Variants in SDHC observed in about 807,000 individuals in gnomAD.
SDHC encodes the protein succinate dehydrogenase complex subunit C, also known as succinate dehydrogenase cytochrome b560 subunit, mitochondrial.
SDHC carries 11 observed loss-of-function variants against 22.6 expected under a neutral mutation model. The observed-to-expected ratio is 0.49, with a 90% confidence interval of 0.31 to 0.81. The LOEUF is 0.81. Among genes scored for constraint, SDHC ranks in the 30% least tolerant of loss-of-function variants. The pLI, the probability that SDHC is intolerant of heterozygous loss-of-function variation, is 0.05. For missense variants in SDHC, 160 were observed against 212.0 expected (o/e 0.75, Z 1.52); for synonymous variants, 80 against 77.8 (o/e 1.03, Z -0.15).
chr1:161,334,787 T>C (rs1331819804), intron 3 of SDHC, among the ~76,000 whole-genome samples: 2 of 152,164 alleles, frequency 1.3e-5, no homozygotes, highest in Non-Finnish European at 2.9e-5. Flanking sequence ...AATTCCCCTT[T>C]GCCGTAAAAG....
chr1:161,332,941 A>T (rs867763606), intron 3 of SDHC, among the ~76,000 whole-genome samples: 2 of 152,028 alleles, frequency 1.3e-5, no homozygotes, highest in African/African-American at 4.8e-5. Context: ...CCAATTTTAG[A>T]ATGTTTTCAT....
chr1:161,318,545 C>G (rs1670712287), intron 1 of SDHC, among the ~76,000 whole-genome samples: 1 of 152,174 alleles, frequency 6.6e-6, no homozygotes, highest in African/African-American at 2.4e-5. Context: ...AACACAAAGT[C>G]ACCAAGAGTC....
intron 4 of SDHC, among the ~76,000 whole-genome samples, chr1:161,348,563 G>A (rs904553827): frequency 1.3e-4 from 19 of 148,308 alleles, no homozygotes; most frequent in Non-Finnish European, 2.5e-4. Flanking sequence ...GCTCATGGCT[G>A]TAATCCCAGC....
chr1:161,328,597 C>G, intron 3 of SDHC, 100 bp downstream of exon 3: 1 of 811,410 alleles, frequency 1.2e-6, no homozygotes, highest in Non-Finnish European at 2.2e-6. Flanking sequence ...TTTTACTCAA[C>G]CAAAATACTG....
chr1:161,352,527 G>C (rs965233543), intron 4 of SDHC, among the ~76,000 whole-genome samples: 1 of 152,108 alleles, frequency 6.6e-6, no homozygotes, highest in Non-Finnish European at 1.5e-5. Context: ...GAAATAACCA[G>C]TATTCTATGT....
intron 4 of SDHC, among the ~76,000 whole-genome samples, chr1:161,356,031 T>C (rs987866527): frequency 2.0e-5 from 3 of 151,774 alleles, no homozygotes; most frequent in Non-Finnish European, 4.4e-5. Flanking sequence ...TTCTGACTCT[T>C]CTCTGGACTG....
intron 2 of SDHC, chr1:161,326,917 C>T (rs559033141): frequency 6.6e-6 from 1 of 152,002 alleles, no homozygotes; most frequent in South Asian, 2.1e-4. Flanking sequence ...AGCCACCGCA[C>T]CTGGCCAATT....
At chr1:161,326,559 T>TAAA (rs1398282358) in intron 2 of SDHC, 1 of 139,646 alleles carries the variant, frequency 7.2e-6, no homozygotes. Flanking sequence ...CTTTTTTTTT[T>TAAA]TAAATATATA....
chr1:161,362,220 A>G (rs1672540789), intron 5 of SDHC, 109 bp from the exon 6 acceptor site: 23 of 1,339,820 alleles, frequency 1.7e-5, no homozygotes, highest in Non-Finnish European at 2.4e-5. Context: ...CTCTAGAATC[A>G]TGCTGAGAGG....
chr1:161,339,666 T>TTTTTTTGTTTGTTTG (rs1671642948), intron 3 of SDHC: 11 of 197,708 alleles, frequency 5.6e-5, no homozygotes, highest in African/African-American at 3.9e-4. Flanking sequence ...ACAGGTGTTT[T>TTTTTTTGTTTGTTTG]TTTTTTTTTT....
In SDHC at chr1:161,329,152, C is replaced by T. The variant is rs540526416; in HGVS notation, c.179+655C>T. Among the ~76,000 whole-genome samples the T allele has an allele frequency of 7.9e-4, 120 of 152,118 alleles. 1 individual carries two copies. The highest frequency in any genetic ancestry group is 2.7e-3 in the African/African-American group (114 of 41,492). ...TGATCTCTTGACCTAGTGATCCGCC[C>T]GCCTCGGCCTCCCAAAGTGCTGGGA... On this transcript the variant is annotated intron_variant, in intron 3 of 5. Coordinates refer to ENST00000367975, the MANE Select transcript of SDHC (RefSeq NM_003001.5).
At chr1:161,326,075 G>A (rs557907950) in intron 2 of SDHC, among the ~76,000 whole-genome samples, 1 of 152,152 alleles carries the variant, frequency 6.6e-6, no homozygotes, top group Admixed American at 6.5e-5. Context: ...GGTGGCATGT[G>A]CCTGTAGTCC....
intron 3 of SDHC, among the ~76,000 whole-genome samples, chr1:161,330,870 C>T (rs192951787): frequency 6.6e-6 from 1 of 151,896 alleles, no homozygotes; most frequent in African/African-American, 2.4e-5. Flanking sequence ...TGTGGTGGTG[C>T]GCCTGTAGTC....
rs761381438 is a variant in SDHC, at chr1:161,323,617, C to T, written c.24C>T (p.His8=). 17 of 1,612,766 alleles carry T rather than the reference C, an allele frequency of 1.1e-5. No individual in the cohort carries two copies. Among genetic ancestry groups the T allele is most frequent in the Admixed American group, 3.3e-5 (2 of 59,994 alleles). The change falls in exon 2 of 6, where the codon CAC becomes CAT. Residue 8 remains histidine, a synonymous_variant. Coordinates refer to ENST00000367975, the MANE Select transcript of SDHC (RefSeq NM_003001.5). ...TTTTGATTCTCTTATCTTGCAGACACGTTGGTCGTCATTGCCTCCGAGCCC... is the reference window on the plus strand; with the variant it reads ...TTTTGATTCTCTTATCTTGCAGACATGTTGGTCGTCATTGCCTCCGAGCCC... MAALLLR[H]VGRHCLRAHF... is the part of the protein sequence containing the mutation.
chr1:161,332,392 G>A lies in SDHC; in HGVS notation c.179+3895G>A, dbSNP rs1473978276. Among the ~76,000 whole-genome samples, 4 of 152,168 alleles carry A rather than the reference G, an allele frequency of 2.6e-5. No homozygotes were observed. The East Asian group carries it at 7.7e-4, about 29-fold the overall frequency. The stretch of plus-strand genomic sequence containing the variant: ...AGATTCTGCTTTCCACATTATCGTG[G>A]GACATAATTCTGCTAAACTTTCTGC... On this transcript the variant is annotated intron_variant, in intron 3 of 5. Transcript: ENST00000367975.
chr1:161,325,562 TC>T (rs1671019553), intron 2 of SDHC, among the ~76,000 whole-genome samples: 1 of 152,004 alleles, frequency 6.6e-6, no homozygotes, highest in Non-Finnish European at 1.5e-5. Context: ...CACCTGTAGT[TC>T]CAGCTACTCG....
At position 161,314,561 on chromosome 1, in the gene SDHC, G is replaced by A. The variant is rs1553260623; in HGVS notation, c.20+136G>A. 8.4e-6 allele frequency: 9 copies of A among 1,067,694 alleles called. No individual in the cohort carries two copies. In the South Asian group the frequency reaches 1.2e-4, roughly 14 times the overall value. 66.1% of individuals were successfully genotyped at this position (1,067,694 alleles called of 1,614,324 possible). A position where few individuals can be genotyped will look rare whatever the true frequency, so the allele number is the denominator to read the frequency against. On this transcript the variant is annotated intron_variant, in intron 1 of 5. Transcript: ENST00000367975. ...CATGGGTGTGGAGGCCAAGCGCTCG[G>A]GGATCCTAGAGACCCCTTTTCCCGT...
At chr1:161,358,230 T>C (rs1158357415) in intron 5 of SDHC, among the ~76,000 whole-genome samples, 1 of 150,774 alleles carries the variant, frequency 6.6e-6, no homozygotes, top group East Asian at 1.9e-4. Context: ...GTATTTTTAG[T>C]AGAGACGGGA....
Position 161,358,208 on chromosome 1 carries a change from T to C in SDHC, c.405+1368T>C, listed in dbSNP as rs570934543. Reference sequence around the variant, plus strand: ...CCCACAACCACGGCCAGCTAATTTTTTTTTTTTTTTGGTATTTTTAGTAGA... The same window carrying C: ...CCCACAACCACGGCCAGCTAATTTTCTTTTTTTTTTGGTATTTTTAGTAGA... On this transcript the variant is annotated intron_variant, in intron 5 of 5. Coordinates refer to ENST00000367975, the MANE Select transcript of SDHC (RefSeq NM_003001.5). Among the ~76,000 whole-genome samples the C allele has an allele frequency of 4.5e-3, 688 of 151,828 alleles. 2 individuals carry two copies. The highest frequency in any genetic ancestry group is 7.0e-3 in the Non-Finnish European group (473 of 67,912).
Sources: allele counts gnomAD v4.1 joint callset (sites outside exome capture counted in the v4.1 genomes callset), GRCh38; gene constraint gnomAD v4.1.1; transcripts MANE v1.5; gene names NCBI Gene and HGNC (gene_info 2026-07-23, HGNC 2026-07-21).